JARID2: variants seen among roughly 807,000 people sequenced by gnomAD.
JARID2 encodes the protein protein Jumonji.
In JARID2, 21 loss-of-function variants were observed where a neutral mutation model predicts 125.6. That is an observed-to-expected ratio of 0.17 (90% confidence interval 0.12 to 0.24). The LOEUF (loss-of-function observed/expected upper bound fraction) is 0.24, where lower values mean the gene tolerates loss of function less well. Ranked by LOEUF, JARID2 falls within the 10% of genes least tolerant of loss-of-function variation. The pLI is 1.00. For missense variants in JARID2, 1,303 were observed against 1,639.6 expected, an observed-to-expected ratio of 0.79 and a Z score of 3.55; for synonymous variants, 736 against 661.6, an observed-to-expected ratio of 1.11 and a Z score of -1.73.
At chr6:15,462,220 A>G (rs1207704010) in intron 4 of JARID2, among the ~76,000 whole-genome samples, 1 of 152,200 alleles carries the variant, frequency 6.6e-6, no homozygotes, top group Non-Finnish European at 1.5e-5. Flanking sequence ...GGATCTGGCA[A>G]ATACTTTTAG....
At chr6:15,470,686 G>A (rs910820383) in intron 5 of JARID2, among the ~76,000 whole-genome samples, 1 of 147,800 alleles carries the variant, frequency 6.8e-6, no homozygotes, top group South Asian at 2.2e-4. Flanking sequence ...TAACCTTTCG[G>A]GAAAAGGTTG....
At chr6:15,268,681 C>T (rs898021924) in intron 1 of JARID2, among the ~76,000 whole-genome samples, 10 of 152,314 alleles carry the variant, frequency 6.6e-5, no homozygotes, top group African/African-American at 2.2e-4. Context: ...TCTCCCTCTG[C>T]CCCATCCATC....
At chr6:15,299,442 G>C (rs1036312500) in intron 1 of JARID2, among the ~76,000 whole-genome samples, 2 of 152,170 alleles carry the variant, frequency 1.3e-5, no homozygotes, top group Admixed American at 6.5e-5. Flanking sequence ...CAAAACATTT[G>C]TTGAGTCCCA....
chr6:15,392,706 G>A (rs901625662), intron 2 of JARID2, among the ~76,000 whole-genome samples: 5 of 134,008 alleles, frequency 3.7e-5, no homozygotes, highest in African/African-American at 1.5e-4. Context: ...TTTTGAGTCA[G>A]GGTTTCGCTT....
chr6:15,265,718 C>G (rs1243172960), intron 1 of JARID2, among the ~76,000 whole-genome samples: 1 of 152,116 alleles, frequency 6.6e-6, no homozygotes, highest in Non-Finnish European at 1.5e-5. Flanking sequence ...TAAGGTGACC[C>G]TCTTCCCCAG....
At chr6:15,411,355 A>C (rs570701981) in intron 3 of JARID2, among the ~76,000 whole-genome samples, 1 of 152,352 alleles carries the variant, frequency 6.6e-6, no homozygotes, top group South Asian at 2.1e-4. Flanking sequence ...TGTTTTCAGG[A>C]CTGAAAGTTG....
chr6:15,517,310 C>T (rs776723489), intron 17 of JARID2, 42 bp downstream of exon 17: 68 of 1,387,060 alleles, frequency 4.9e-5, no homozygotes, highest in Non-Finnish European at 6.4e-5. Context: ...GGCAGCGTGG[C>T]GCCTTCCCTG....
intron 3 of JARID2, among the ~76,000 whole-genome samples, chr6:15,438,237 A>G (rs1030850941): frequency 1.3e-5 from 2 of 152,158 alleles, no homozygotes; most frequent in African/African-American, 4.8e-5. Context: ...TGACACAGTT[A>G]AAGATGGATG....
rs1561831507 is a variant in JARID2, at chr6:15,390,141, G to A, written c.181+15889G>A. On this transcript the variant is annotated intron_variant, in intron 2 of 17. Transcript: ENST00000341776. ...AACAAGTTTCCACAGTAAGGAGGAGGAACTTGCCTTTGATTTATTCTCATA... is the reference window on the plus strand; with the variant it reads ...AACAAGTTTCCACAGTAAGGAGGAGAAACTTGCCTTTGATTTATTCTCATA... Among the ~76,000 whole-genome samples, 4 of 152,122 alleles carry A rather than the reference G, an allele frequency of 2.6e-5. No homozygotes were observed. In the South Asian group the frequency reaches 8.3e-4, roughly 31 times the overall value.
At chr6:15,308,636 A>G (rs1761914551) in intron 1 of JARID2, among the ~76,000 whole-genome samples, 1 of 152,192 alleles carries the variant, frequency 6.6e-6, no homozygotes, top group Non-Finnish European at 1.5e-5. Flanking sequence ...AAATGTGGTC[A>G]TTAGCCTCAT....
chr6:15,428,940 C>A (rs11965011), intron 3 of JARID2, among the ~76,000 whole-genome samples: 3,592 of 116,828 alleles, frequency 0.031, 185 homozygotes, highest in African/African-American at 0.095. Context: ...ACCCCCCCCC[C>A]AAAAAAAAAA....
At chr6:15,372,776 C>G (rs915784275) in intron 1 of JARID2, among the ~76,000 whole-genome samples, 1 of 151,916 alleles carries the variant, frequency 6.6e-6, no homozygotes, top group Non-Finnish European at 1.5e-5. Flanking sequence ...GTGGCACGAT[C>G]TCAGCTCACT....
chr6:15,301,591 C>T (rs1382878840), intron 1 of JARID2, among the ~76,000 whole-genome samples: 1 of 152,116 alleles, frequency 6.6e-6, no homozygotes, highest in East Asian at 1.9e-4. Flanking sequence ...TTTATTTTCT[C>T]TTGTGGAATT....
chr6:15,320,005 A>G (rs759573065), intron 1 of JARID2, among the ~76,000 whole-genome samples: 1 of 152,220 alleles, frequency 6.6e-6, no homozygotes. Context: ...GAGTGTATCT[A>G]TGTAAATACA....
chr6:15,388,705 C>T (rs1764884779), intron 2 of JARID2, among the ~76,000 whole-genome samples: 1 of 151,898 alleles, frequency 6.6e-6, no homozygotes, highest in African/African-American at 2.4e-5. Context: ...AAGGCCAAAC[C>T]TGTACCCTGC....
intron 1 of JARID2, among the ~76,000 whole-genome samples, chr6:15,319,825 ATAG>A (rs1762294987): frequency 6.6e-6 from 1 of 152,238 alleles, no homozygotes; most frequent in South Asian, 2.1e-4. Flanking sequence ...GTAAATTAAA[ATAG>A]TGGTGGGTAC....
chr6:15,299,656 C>G (rs1180214582), intron 1 of JARID2, among the ~76,000 whole-genome samples: 1 of 152,020 alleles, frequency 6.6e-6, no homozygotes. Flanking sequence ...GTCTCAGTTC[C>G]CTTTCTCCAG....
intron 3 of JARID2, among the ~76,000 whole-genome samples, chr6:15,420,809 C>T (rs766462764): frequency 3.3e-5 from 5 of 152,206 alleles, no homozygotes; most frequent in African/African-American, 4.8e-5. Context: ...TTCCCTGCTA[C>T]TCAGGCAAAA....
chr6:15,372,653 C>T (rs1234337556), intron 1 of JARID2, among the ~76,000 whole-genome samples: 5 of 152,008 alleles, frequency 3.3e-5, no homozygotes, highest in African/African-American at 4.8e-5. Context: ...TGCGCCAAGC[C>T]GTTCTTCTTA....
Sources: gnomAD v4.1 joint callset for allele counts (sites outside exome capture counted in the v4.1 genomes callset) on GRCh38, gnomAD v4.1.1 for gene constraint, MANE v1.5 for transcripts, NCBI Gene and HGNC (gene_info 2026-07-23, HGNC 2026-07-21) for gene names.